BAZ2B: variants seen among roughly 807,000 people sequenced by gnomAD.
The protein encoded by BAZ2B is bromodomain adjacent to zinc finger domain protein 2B.
BAZ2B carries 91 observed loss-of-function variants against 246.0 expected under a neutral mutation model. The observed-to-expected ratio is 0.37, with a 90% CI of 0.31 to 0.44. BAZ2B has a LOEUF of 0.44. Ranked by LOEUF, BAZ2B falls within the 20% of genes least tolerant of loss-of-function variation. The pLI is 1.00. For missense variants in BAZ2B, 2,332 were observed against 2,533.7 expected (o/e 0.92, Z 1.71); for synonymous variants, 855 against 860.0 (o/e 0.99, Z 0.10).
chr2:159,453,612 C>T lies in BAZ2B; in HGVS notation c.334+1G>A. 6.3e-7 allele frequency: 1 copy of T among 1,598,672 alleles called. No individual in the cohort carries two copies. Among genetic ancestry groups the T allele is most frequent in the Non-Finnish European group, 8.5e-7 (1 of 1,172,312 alleles). ...GAACACTGTTTGTAACAGATGTTTA[C>T]CTGGAAAAGATGCTAGTTGGGGATG... On this transcript the variant is annotated splice_donor_variant, in intron 4 of 36. Transcript: ENST00000392783. LOFTEE classifies it high-confidence loss of function.
At chr2:159,622,473 T>C in the BAZ2B span, among the ~76,000 whole-genome samples, 3 of 152,136 alleles carry the variant, frequency 2.0e-5, no homozygotes, top group African/African-American at 7.2e-5. Flanking sequence ...TTCCCAGCAA[T>C]GGTCAAAACC....
the BAZ2B span, chr2:159,689,158 G>A: frequency 3.5e-5 from 14 of 400,640 alleles, no homozygotes; most frequent in African/African-American, 2.5e-4. Context: ...CCATAAAAGC[G>A]CACGTATTTT....
Position 159,428,297 on chromosome 2 carries a change from T to C in BAZ2B, c.2364+14A>G. On this transcript the variant is annotated intron_variant, in intron 12 of 36. Transcript: ENST00000392783. ...TAGGCACCAAATGTACATTATTTGG[T>C]GAAAAGTATGTACCTTTATTACTTC... 1 of 1,595,304 alleles carries C rather than the reference T, an allele frequency of 6.3e-7. No homozygotes were observed.
intron 2 of BAZ2B, among the ~76,000 whole-genome samples, chr2:159,522,438 C>A (rs2084231372): frequency 2.0e-5 from 3 of 152,060 alleles, no homozygotes; most frequent in Admixed American, 2.0e-4. Context: ...TTAACAACAA[C>A]AACAACAAAA....
chr2:159,380,041 T>G (rs1187741414), intron 25 of BAZ2B, among the ~76,000 whole-genome samples: 1 of 152,082 alleles, frequency 6.6e-6, no homozygotes, highest in East Asian at 1.9e-4. Context: ...TCTATGACCT[T>G]GCCTTCTTCC....
chr2:159,436,289 A>G (rs2072284602), intron 8 of BAZ2B, among the ~76,000 whole-genome samples: 1 of 152,190 alleles, frequency 6.6e-6, no homozygotes, highest in Non-Finnish European at 1.5e-5. Context: ...CTTCCCATAT[A>G]TTGACACCAA....
the BAZ2B span, among the ~76,000 whole-genome samples, chr2:159,706,040 G>A: frequency 1.3e-5 from 2 of 150,174 alleles, no homozygotes; most frequent in African/African-American, 2.4e-5. Context: ...AAATTAAATG[G>A]TTAAAAAAAC....
chr2:159,590,603 AT>A (rs1304588064), intron 1 of BAZ2B, among the ~76,000 whole-genome samples: 1 of 152,086 alleles, frequency 6.6e-6, no homozygotes, highest in Non-Finnish European at 1.5e-5. Flanking sequence ...AAATAAATAA[AT>A]AAATAAATAG....
intron 2 of BAZ2B, among the ~76,000 whole-genome samples, chr2:159,532,195 C>T (rs1023305752): frequency 7.9e-5 from 12 of 152,012 alleles, no homozygotes; most frequent in African/African-American, 2.9e-4. Flanking sequence ...TGTTTTTTAA[C>T]ATTTTAAACA....
the BAZ2B span, among the ~76,000 whole-genome samples, chr2:159,642,436 T>A: frequency 1.3e-5 from 2 of 151,674 alleles, no homozygotes; most frequent in Admixed American, 1.3e-4. Flanking sequence ...TGGGGTTTCA[T>A]CACGTTAGCC....
Position 159,520,466 on chromosome 2 carries a change from G to C in BAZ2B, c.-3+35357C>G, listed in dbSNP as rs1055343515. Among the ~76,000 whole-genome samples, 4 of 152,150 alleles carry C rather than the reference G, an allele frequency of 2.6e-5. No individual in the cohort carries two copies. The East Asian group carries it at 5.8e-4, about 22-fold the overall frequency. On this transcript the variant is annotated intron_variant, in intron 2 of 36. Coordinates refer to ENST00000392783, the MANE Select transcript of BAZ2B (RefSeq NM_013450.4). ...ATATATTACTATATAATTATTTGGGGATTCTCCTTATTAGATCTTGAAATT... is the reference window on the plus strand; with the variant it reads ...ATATATTACTATATAATTATTTGGGCATTCTCCTTATTAGATCTTGAAATT...
At chr2:159,594,473 A>C (rs2151721652) in intron 1 of BAZ2B, among the ~76,000 whole-genome samples, 1 of 152,360 alleles carries the variant, frequency 6.6e-6, no homozygotes. Context: ...AAGTTTACAA[A>C]AGAAAGGTAA....
At chr2:159,491,577 C>G (rs1319609635) in intron 2 of BAZ2B, among the ~76,000 whole-genome samples, 1 of 149,370 alleles carries the variant, frequency 6.7e-6, no homozygotes, top group Admixed American at 6.6e-5. Flanking sequence ...AAAAATTAGC[C>G]GGGCGTAGTG....
chr2:159,431,161 G>C lies in BAZ2B; in HGVS notation c.1901-5C>G. On this transcript the variant is annotated splice_region_variant and splice_polypyrimidine_tract_variant and intron_variant, in intron 9 of 36. Coordinates refer to ENST00000392783, the MANE Select transcript of BAZ2B (RefSeq NM_013450.4). ...ATTCTGAATTACTATCTGATTCTGGGAAGTAAAAGAAGCATTTGTATATTA... is the reference window on the plus strand; with the variant it reads ...ATTCTGAATTACTATCTGATTCTGGCAAGTAAAAGAAGCATTTGTATATTA... 6.3e-7 allele frequency: 1 copy of C among 1,594,906 alleles called. No homozygotes were observed. Among genetic ancestry groups the C allele is most frequent in the Non-Finnish European group, 8.5e-7 (1 of 1,170,376 alleles).
At chr2:159,476,280 A>G (rs2078539074) in intron 3 of BAZ2B, among the ~76,000 whole-genome samples, 1 of 152,132 alleles carries the variant, frequency 6.6e-6, no homozygotes, top group African/African-American at 2.4e-5. Context: ...TATTTTACCT[A>G]CAAAATGAAA....
intron 2 of BAZ2B, among the ~76,000 whole-genome samples, chr2:159,494,893 T>C (rs1435015099): frequency 1.8e-5 from 1 of 55,508 alleles, no homozygotes; most frequent in Admixed American, 1.2e-4. Flanking sequence ...GGGTTTATAC[T>C]CTAGAGTAGG....
chr2:159,393,309 T>A (rs1224877035), intron 20 of BAZ2B, among the ~76,000 whole-genome samples: 1 of 152,300 alleles, frequency 6.6e-6, no homozygotes, highest in East Asian at 1.9e-4. Flanking sequence ...CTGTAGAGAA[T>A]GCATAGGGAG....
At chr2:159,697,941 A>G in the BAZ2B span, among the ~76,000 whole-genome samples, 1 of 152,306 alleles carries the variant, frequency 6.6e-6, no homozygotes, top group South Asian at 2.1e-4. Context: ...TCCATCAGTT[A>G]AATACTGTGT....
intron 2 of BAZ2B, among the ~76,000 whole-genome samples, chr2:159,508,821 C>T (rs1429961371): frequency 6.6e-6 from 1 of 152,032 alleles, no homozygotes; most frequent in African/African-American, 2.4e-5. Flanking sequence ...CTGTTATTAC[C>T]ATTTATTTCC....
Sources: allele counts gnomAD v4.1 joint callset (sites outside exome capture counted in the v4.1 genomes callset), GRCh38; gene constraint gnomAD v4.1.1; transcripts MANE v1.5; gene names NCBI Gene and HGNC (gene_info 2026-07-23, HGNC 2026-07-21).